The following KCNIP3 variants were observed in gnomAD, a reference collection of about 807,000 sequenced individuals.
KCNIP3 encodes calsenilin.
In KCNIP3, 28 loss-of-function variants were observed where a neutral mutation model predicts 35.0. That is an observed-to-expected ratio of 0.80 (90% CI 0.59 to 1.10). KCNIP3 has a LOEUF of 1.10. KCNIP3 is among the 50% of genes least tolerant of loss of function. The pLI is 0.00. For missense variants in KCNIP3, 295 were observed against 338.4 expected (o/e 0.87, Z 1.01); for synonymous variants, 134 against 133.8 (o/e 1.00, Z -0.01).
chr2:95,334,205 G>A (rs1327971838), intron 2 of KCNIP3, among the ~76,000 whole-genome samples: 5 of 152,222 alleles, frequency 3.3e-5, no homozygotes, highest in East Asian at 1.9e-4. Context: ...TGAGTTGGCC[G>A]GCCGTGCTTC....
At chr2:95,328,584 C>A (rs1235263602) in intron 2 of KCNIP3, among the ~76,000 whole-genome samples, 8 of 152,250 alleles carry the variant, frequency 5.3e-5, no homozygotes, top group Non-Finnish European at 5.9e-5. Flanking sequence ...GTGGCACATG[C>A]ATGTGTGTGC....
At chr2:95,321,357 G>C (rs558900485) in intron 2 of KCNIP3, among the ~76,000 whole-genome samples, 2 of 152,292 alleles carry the variant, frequency 1.3e-5, no homozygotes, top group African/African-American at 4.8e-5. Flanking sequence ...TCAAGAGAGC[G>C]TCAGCCCTGT....
chr2:95,381,782 T>C, intron 6 of KCNIP3, 79 bp downstream of exon 6: 1 of 959,202 alleles, frequency 1.0e-6, no homozygotes, highest in South Asian at 1.4e-5. Flanking sequence ...TTCCTCTCCC[T>C]GCTCCTGCTG....
At chr2:95,331,623 G>C (rs1678929137) in intron 2 of KCNIP3, among the ~76,000 whole-genome samples, 1 of 152,180 alleles carries the variant, frequency 6.6e-6, no homozygotes, top group African/African-American at 2.4e-5. Flanking sequence ...AGCTTGGCTT[G>C]GACATTTGCA....
intron 2 of KCNIP3, among the ~76,000 whole-genome samples, chr2:95,366,847 T>A (rs1385032446): frequency 1.3e-5 from 2 of 152,252 alleles, no homozygotes; most frequent in Non-Finnish European, 2.9e-5. Flanking sequence ...AGTGTTTGAT[T>A]AGGTTTTTTG....
rs150287751 is a variant in KCNIP3, at chr2:95,378,709, T to C, written c.448-2887T>C. Reference sequence around the variant, plus strand: ...TTGCAGTGAGCTGAGATTGCACCACTGTACTCCATCCAGCCTGGGTGACAG... The same window carrying C: ...TTGCAGTGAGCTGAGATTGCACCACCGTACTCCATCCAGCCTGGGTGACAG... On this transcript the variant is annotated intron_variant, in intron 5 of 8. Coordinates refer to ENST00000295225, the MANE Select transcript of KCNIP3 (RefSeq NM_013434.5). The surrounding 1 kb of genome is among the most constrained non-coding windows in gnomAD (Gnocchi z 4.0). 5.3e-5 allele frequency among the ~76,000 whole-genome samples: 8 copies of C among 151,770 alleles called. No individual in the cohort carries two copies. The East Asian group carries it at 1.6e-3, about 29-fold the overall frequency.
At chr2:95,316,698 G>C (rs976249050) in intron 2 of KCNIP3, among the ~76,000 whole-genome samples, 1 of 152,188 alleles carries the variant, frequency 6.6e-6, no homozygotes, top group Non-Finnish European at 1.5e-5. Context: ...CCATTCCACT[G>C]GCCAGAGATA....
At chr2:95,381,499 G>T in intron 5 of KCNIP3, 97 bp from the exon 6 acceptor site, 1 of 836,644 alleles carries the variant, frequency 1.2e-6, no homozygotes, top group East Asian at 2.5e-5. Flanking sequence ...CTCTGTGCCT[G>T]TTGGAGGCGT....
chr2:95,315,043 T>C (rs980987311), intron 2 of KCNIP3, among the ~76,000 whole-genome samples: 2 of 152,180 alleles, frequency 1.3e-5, no homozygotes, highest in African/African-American at 4.8e-5. Context: ...CGGGAGCCTG[T>C]GAGCCCTGGT....
In KCNIP3 at chr2:95,378,580, CAAA is replaced by C. The variant is rs1241947318; in HGVS notation, c.448-3002_448-3000del. Among the ~76,000 whole-genome samples, 1 of 110,260 alleles carries C rather than the reference CAAA, an allele frequency of 9.1e-6. No homozygotes were observed. Among genetic ancestry groups the C allele is most frequent in the African/African-American group, 3.4e-5 (1 of 29,364 alleles). The allele number at this position is 110,260 out of a possible 152,430, so 72.3% of individuals were successfully genotyped here. A position where few individuals can be genotyped will look rare whatever the true frequency, so the allele number is the denominator to read the frequency against. ...CGAAACCCCGTCTCTACTAAAAATA[CAAA>C]AAAAAAAAAAAAATTAGCTGGGCAT... On this transcript the variant is annotated intron_variant, in intron 5 of 8. Coordinates refer to ENST00000295225, the MANE Select transcript of KCNIP3 (RefSeq NM_013434.5). This position sits in a 1 kb window ranked among gnomAD's most constrained non-coding sequence, Gnocchi z 4.0.
Position 95,326,234 on chromosome 2 carries a change from TAC to T in KCNIP3, c.181+15724_181+15725del, listed in dbSNP as rs369722375. 2.1e-3 allele frequency among the ~76,000 whole-genome samples: 273 copies of T among 129,694 alleles called. 2 individuals are homozygous for T. The highest frequency in any genetic ancestry group is 5.5e-3 in the South Asian group (22 of 3,980). The allele number at this position is 129,694 out of a possible 152,430, so 85.1% of individuals were successfully genotyped here. ...ACACACACACTCATACACATACACA[TAC>T]ACACACACAACACTCACACATACAC... is the stretch of plus-strand genomic sequence containing the variant. On this transcript the variant is annotated intron_variant, in intron 2 of 8. Coordinates refer to ENST00000295225, the MANE Select transcript of KCNIP3 (RefSeq NM_013434.5).
At chr2:95,301,334 T>C (rs1373540532) in intron 1 of KCNIP3, among the ~76,000 whole-genome samples, 1 of 152,236 alleles carries the variant, frequency 6.6e-6, no homozygotes, top group African/African-American at 2.4e-5. Context: ...CGCAGAGCCC[T>C]GATCCTCACT....
intron 2 of KCNIP3, among the ~76,000 whole-genome samples, chr2:95,333,350 C>G (rs904428458): frequency 2.0e-5 from 3 of 152,188 alleles, no homozygotes; most frequent in African/African-American, 7.2e-5. Flanking sequence ...AATGCATGAA[C>G]CTAGGCCTCT....
chr2:95,384,205 C>CAT lies in KCNIP3; in HGVS notation c.*157_*158insTA, dbSNP rs3222174. 4 of 651,228 alleles carry CAT rather than the reference C, an allele frequency of 6.1e-6. No individual in the cohort carries two copies. The highest frequency in any genetic ancestry group is 2.7e-6 in the Non-Finnish European group (1 of 364,298). The allele number at this position is 651,228 out of a possible 1,614,324, so 40.3% of individuals were successfully genotyped here. ...ACACACACACACACACACACACACA[C>CAT]AGCCATTCATCTGGGCTGGCAGAGG... On this transcript the variant is annotated 3_prime_UTR_variant, in exon 9 of 9. Transcript: ENST00000295225.
intron 7 of KCNIP3, 109 bp from the exon 8 acceptor site, chr2:95,383,116 CCCGCCCA>C: frequency 5.0e-6 from 2 of 399,948 alleles, no homozygotes; most frequent in East Asian, 1.1e-4. Context: ...AGGGAGCCCA[CCCGCCCA>C]TCCACCCACC....
intron 2 of KCNIP3, among the ~76,000 whole-genome samples, chr2:95,342,363 A>G (rs1331904736): frequency 6.6e-6 from 1 of 152,178 alleles, no homozygotes; most frequent in African/African-American, 2.4e-5. Flanking sequence ...GAATGAAGAG[A>G]TAAGTCATGT....
chr2:95,328,918 C>G (rs1382429768), intron 2 of KCNIP3, among the ~76,000 whole-genome samples: 1 of 152,186 alleles, frequency 6.6e-6, no homozygotes, highest in African/African-American at 2.4e-5. Flanking sequence ...TGGCTGGGGC[C>G]AGGGACTCCT....
chr2:95,314,923 C>T (rs1338108713), intron 2 of KCNIP3, among the ~76,000 whole-genome samples: 1 of 152,166 alleles, frequency 6.6e-6, no homozygotes, highest in Non-Finnish European at 1.5e-5. Context: ...GTCACTGGCA[C>T]CCGACAGGGC....
intron 2 of KCNIP3, among the ~76,000 whole-genome samples, chr2:95,348,005 C>G (rs755231578): frequency 2.0e-5 from 3 of 152,250 alleles, no homozygotes; most frequent in Non-Finnish European, 2.9e-5. Context: ...CAAGTTCCTG[C>G]GAAGGGCTGC....
Sources: allele counts gnomAD v4.1 joint callset (sites outside exome capture counted in the v4.1 genomes callset), GRCh38; gene constraint gnomAD v4.1.1; non-coding constraint Gnocchi (gnomAD v3.1); transcripts MANE v1.5; gene names NCBI Gene and HGNC (gene_info 2026-07-23, HGNC 2026-07-21).